The following GABRB3 variants were observed in gnomAD, a reference collection of about 807,000 sequenced individuals.
The protein encoded by GABRB3 is gamma-aminobutyric acid receptor subunit beta-3.
GABRB3 carries 14 observed loss-of-function variants against 52.1 expected under a neutral mutation model. The observed-to-expected ratio is 0.27, with a 90% CI of 0.18 to 0.42. The LOEUF (loss-of-function observed/expected upper bound fraction) is 0.42, where lower values mean the gene tolerates loss of function less well. Ranked by LOEUF, GABRB3 falls within the 10% of genes least tolerant of loss-of-function variation. GABRB3 has a pLI of 1.00. For synonymous variants in GABRB3, 260 were observed against 232.3 expected, an observed-to-expected ratio of 1.12 and a Z score of -1.08; for missense variants, 307 against 609.1, an observed-to-expected ratio of 0.50 and a Z score of 5.22.
chr15:26,618,824 A>G lies in GABRB3; in HGVS notation c.461+2490T>C, dbSNP rs547648408. 3.7e-3 allele frequency among the ~76,000 whole-genome samples: 563 copies of G among 152,252 alleles called. 2 individuals are homozygous for G. The highest frequency in any genetic ancestry group is 0.013 in the African/African-American group (538 of 41,518). ...ATGAACTCAAACAAATTTACAAGAA[A>G]AAAACAAACAATCCCATCAAAAAGT... On this transcript the variant is annotated intron_variant, in intron 4 of 8. Coordinates refer to ENST00000311550, the MANE Select transcript of GABRB3 (RefSeq NM_000814.6).
intron 4 of GABRB3, among the ~76,000 whole-genome samples, chr15:26,600,149 C>G (rs1566767093): frequency 6.6e-6 from 1 of 151,726 alleles, no homozygotes; most frequent in Non-Finnish European, 1.5e-5. Context: ...AAGAAAGAAT[C>G]AGTAAGCTGG....
At chr15:26,596,900 A>G (rs1321377378) in intron 4 of GABRB3, among the ~76,000 whole-genome samples, 1 of 152,184 alleles carries the variant, frequency 6.6e-6, no homozygotes, top group African/African-American at 2.4e-5. Flanking sequence ...GAGAACGTGC[A>G]TCTGAAGAAA....
chr15:26,607,044 C>G (rs1417523200), intron 4 of GABRB3, among the ~76,000 whole-genome samples: 1 of 152,166 alleles, frequency 6.6e-6, no homozygotes, highest in African/African-American at 2.4e-5. Flanking sequence ...AATGTTCAAA[C>G]TGCATTCAAA....
chr15:26,583,520 G>A, intron 4 of GABRB3, 106 bp from the exon 5 acceptor site: 1 of 833,532 alleles, frequency 1.2e-6, no homozygotes, highest in Non-Finnish European at 2.1e-6. Context: ...CCTGCCCAAA[G>A]TACGCCTGGC....
rs1360305540 is a variant in GABRB3 at position 26,560,931 on chromosome 15, C to T, written c.1080+1G>A. Reference sequence around the variant, plus strand: ...TGGGGTCAAGGTGGTGGAGAGCCTACCCGGTTGCTTTCGCTCTTTGAACGG... The same window carrying T: ...TGGGGTCAAGGTGGTGGAGAGCCTATCCGGTTGCTTTCGCTCTTTGAACGG... On this transcript the variant is annotated splice_donor_variant, in intron 8 of 8. Coordinates refer to ENST00000311550, the MANE Select transcript of GABRB3 (RefSeq NM_000814.6). LOFTEE classifies it high-confidence loss of function. The T allele has an allele frequency of 6.2e-7, 1 of 1,613,690 alleles. No homozygotes were observed. The highest frequency in any genetic ancestry group is 1.7e-5 in the Admixed American group (1 of 60,020).
intron 3 of GABRB3, among the ~76,000 whole-genome samples, chr15:26,629,743 A>C (rs915777922): frequency 2.6e-5 from 4 of 152,098 alleles, no homozygotes; most frequent in Non-Finnish European, 4.4e-5. Context: ...ATGTAACCTG[A>C]CTTTAGAAAA....
At chr15:26,583,092 C>T (rs906644928) in intron 5 of GABRB3, among the ~76,000 whole-genome samples, 8 of 151,976 alleles carry the variant, frequency 5.3e-5, no homozygotes, top group South Asian at 2.1e-4. Context: ...ACTGAATGGA[C>T]CGAAATGAGG....
At chr15:26,699,051 G>A (rs1888840135) in intron 3 of GABRB3, among the ~76,000 whole-genome samples, 3 of 152,152 alleles carry the variant, frequency 2.0e-5, no homozygotes, top group Admixed American at 2.0e-4. Flanking sequence ...TTAAGTTAAT[G>A]TTATGAGAAC....
intron 3 of GABRB3, among the ~76,000 whole-genome samples, chr15:26,738,411 G>C (rs1182988754): frequency 2.6e-5 from 4 of 152,184 alleles, no homozygotes; most frequent in Non-Finnish European, 5.9e-5. Context: ...AAAAAGGACG[G>C]ATTTCTCTTT....
intron 3 of GABRB3, among the ~76,000 whole-genome samples, chr15:26,735,119 C>T (rs1054522875): frequency 9.9e-5 from 15 of 152,110 alleles, no homozygotes; most frequent in African/African-American, 2.4e-4. Context: ...ACACAAATGG[C>T]GAATAAGCAC....
chr15:26,767,715 C>T (rs1891036784), intron 3 of GABRB3, among the ~76,000 whole-genome samples: 1 of 152,142 alleles, frequency 6.6e-6, no homozygotes, highest in Non-Finnish European at 1.5e-5. Flanking sequence ...TCACTGAAGG[C>T]AAAGCAGCTT....
At chr15:26,674,060 C>T (rs921040635) in intron 3 of GABRB3, among the ~76,000 whole-genome samples, 1 of 151,178 alleles carries the variant, frequency 6.6e-6, no homozygotes, top group Non-Finnish European at 1.5e-5. Context: ...CATATTTAAC[C>T]CCCCCCTTTT....
intron 3 of GABRB3, among the ~76,000 whole-genome samples, chr15:26,756,840 G>C (rs1012511691): frequency 6.6e-6 from 1 of 152,018 alleles, no homozygotes; most frequent in African/African-American, 2.4e-5. Context: ...AACAGAGCAG[G>C]TGTCTAAGCA....
At chr15:26,564,614 T>G (rs551633185) in intron 7 of GABRB3, among the ~76,000 whole-genome samples, 1 of 152,198 alleles carries the variant, frequency 6.6e-6, no homozygotes, top group Non-Finnish European at 1.5e-5. Context: ...CACAGTGCAG[T>G]CCCTTAGGAT....
chr15:26,574,563 G>C (rs1383761756), intron 6 of GABRB3, among the ~76,000 whole-genome samples: 1 of 152,092 alleles, frequency 6.6e-6, no homozygotes, highest in Non-Finnish European at 1.5e-5. Context: ...TATTTCTTCG[G>C]CAATAAAAAG....
At chr15:26,740,588 C>T (rs1312897157) in intron 3 of GABRB3, among the ~76,000 whole-genome samples, 1 of 152,094 alleles carries the variant, frequency 6.6e-6, no homozygotes, top group East Asian at 1.9e-4. Flanking sequence ...CCCAAGGGAC[C>T]AGGACAACCT....
intron 3 of GABRB3, among the ~76,000 whole-genome samples, chr15:26,766,349 T>C (rs1365912750): frequency 6.6e-6 from 1 of 152,198 alleles, no homozygotes; most frequent in Non-Finnish European, 1.5e-5. Flanking sequence ...TCAGATGGTA[T>C]TACTTGTGAA....
Position 26,583,658 on chromosome 15 carries a change from TTTA to T in GABRB3, c.462-247_462-245del, listed in dbSNP as rs200920180. 1.8e-3 allele frequency among the ~76,000 whole-genome samples: 278 copies of T among 152,250 alleles called. 6 individuals carry two copies. The East Asian group carries it at 0.035, about 19-fold the overall frequency. On this transcript the variant is annotated intron_variant, in intron 4 of 8. Transcript: ENST00000311550. ...TTATTTTATTATATATTTTTAATCA[TTTA>T]TTTTTTGATTGACATAAAAATTGTA...
intron 3 of GABRB3, among the ~76,000 whole-genome samples, chr15:26,685,168 G>A (rs1888363156): frequency 1.3e-5 from 2 of 152,296 alleles, no homozygotes; most frequent in South Asian, 2.1e-4. Context: ...GGGCTTTGGT[G>A]GCTGCCTTCC....
Sources: allele counts gnomAD v4.1 joint callset (sites outside exome capture counted in the v4.1 genomes callset), GRCh38; gene constraint gnomAD v4.1.1; transcripts MANE v1.5; gene names NCBI Gene and HGNC (gene_info 2026-07-23, HGNC 2026-07-21).